The following THOC1 variants were observed in gnomAD, a reference collection of about 807,000 sequenced individuals.
THOC1 encodes the protein THO complex 1.
Under a neutral mutation model 97.3 loss-of-function variants are expected in THOC1, and 29 were observed. That is an observed-to-expected ratio of 0.30 (90% CI 0.22 to 0.41). The LOEUF (loss-of-function observed/expected upper bound fraction) is 0.41. THOC1 is among the 10% of genes least tolerant of loss of function. The pLI is 1.00. For missense variants in THOC1, 529 were observed against 761.9 expected, an observed-to-expected ratio of 0.69 and a Z score of 3.60; for synonymous variants, 255 against 257.0, an observed-to-expected ratio of 0.99 and a Z score of 0.07.
chr18:240,404 T>C (rs972906765), intron 11 of THOC1, among the ~76,000 whole-genome samples: 3 of 152,224 alleles, frequency 2.0e-5, no homozygotes, highest in African/African-American at 7.2e-5. Context: ...TGGCAGAGTA[T>C]GCTCTAAGTT....
chr18:252,451 C>T (rs1422968777), intron 9 of THOC1, 88 bp downstream of exon 9: 5 of 982,298 alleles, frequency 5.1e-6, no homozygotes, highest in Admixed American at 2.2e-5. Context: ...TTCTTTCCTC[C>T]TTGTCTATCT....
intron 1 of THOC1, 71 bp downstream of exon 1, chr18:267,895 G>A: frequency 6.8e-7 from 1 of 1,470,622 alleles, no homozygotes; most frequent in East Asian, 2.6e-5. Flanking sequence ...GGCAAAATTC[G>A]AGTAATTTCA....
intron 19 of THOC1, 57 bp downstream of exon 19, chr18:216,429 G>T: frequency 6.4e-7 from 1 of 1,561,008 alleles, no homozygotes; most frequent in Non-Finnish European, 8.7e-7. Flanking sequence ...CATAGTGACA[G>T]CAATTTTAAA....
chr18:252,047 T>C (rs902049760), intron 9 of THOC1, among the ~76,000 whole-genome samples: 3 of 152,198 alleles, frequency 2.0e-5, no homozygotes, highest in Admixed American at 1.3e-4. Context: ...TCATACATCA[T>C]TTCACTTAAT....
chr18:263,779 T>C (rs915707723), intron 4 of THOC1: 2 of 398,212 alleles, frequency 5.0e-6, no homozygotes, highest in Non-Finnish European at 9.2e-6. Flanking sequence ...AGATGCTCAA[T>C]GAAAATTTAC....
intron 11 of THOC1, among the ~76,000 whole-genome samples, chr18:231,829 C>G (rs1911495609): frequency 6.6e-6 from 1 of 152,218 alleles, no homozygotes; most frequent in South Asian, 2.1e-4. Context: ...TATGGATGTA[C>G]TTTGCACTGT....
chr18:256,188 G>A (rs565494418), intron 7 of THOC1, among the ~76,000 whole-genome samples: 1 of 94,208 alleles, frequency 1.1e-5, no homozygotes, highest in East Asian at 2.7e-4. Flanking sequence ...TACATTTCAT[G>A]AGGCTATAGC....
At chr18:243,511 C>T (rs966555446) in intron 11 of THOC1, among the ~76,000 whole-genome samples, 5 of 151,936 alleles carry the variant, frequency 3.3e-5, no homozygotes, top group Non-Finnish European at 4.4e-5. Context: ...GCACTCCAGC[C>T]TGGGCGACAG....
At chr18:234,876 C>G (rs1336890011) in intron 11 of THOC1, among the ~76,000 whole-genome samples, 3 of 151,966 alleles carry the variant, frequency 2.0e-5, no homozygotes. Flanking sequence ...CTTGTTCTGT[C>G]CTTATTGGGA....
intron 1 of THOC1, 55 bp downstream of exon 1, chr18:267,911 A>T (rs2143320447): frequency 6.5e-7 from 1 of 1,530,858 alleles, no homozygotes; most frequent in Admixed American, 1.9e-5. Flanking sequence ...TTTCAGGGAG[A>T]AGAGGACAAA....
At chr18:244,384 A>G (rs1025268668) in intron 11 of THOC1, 3 of 152,062 alleles carry the variant, frequency 2.0e-5, no homozygotes, top group Non-Finnish European at 4.4e-5. Flanking sequence ...TTTTTTCAAA[A>G]TGAGGGTCAC....
At chr18:260,815 T>C (rs1244841810) in intron 4 of THOC1, 4 of 152,162 alleles carry the variant, frequency 2.6e-5, no homozygotes, top group African/African-American at 9.7e-5. Flanking sequence ...ACGACTATAA[T>C]AACTTGGAAA....
intron 11 of THOC1, among the ~76,000 whole-genome samples, chr18:243,845 T>C (rs1911994448): frequency 6.6e-6 from 1 of 152,206 alleles, no homozygotes; most frequent in South Asian, 2.1e-4. Context: ...AATTAACAAA[T>C]ATAGCTGGAG....
intron 7 of THOC1, among the ~76,000 whole-genome samples, chr18:256,009 T>A (rs747219124): frequency 6.6e-6 from 1 of 152,184 alleles, no homozygotes; most frequent in Admixed American, 6.5e-5. Flanking sequence ...AAAAAAAGAT[T>A]TCCTTTCACA....
chr18:267,832 G>A, intron 1 of THOC1, 134 bp downstream of exon 1: 1 of 922,880 alleles, frequency 1.1e-6, no homozygotes, highest in Non-Finnish European at 1.6e-6. Flanking sequence ...AACCTCCGAC[G>A]GGGCCCGGAG....
Position 267,957 on chromosome 18 carries a change from A to G in THOC1, c.54+9T>C, listed in dbSNP as rs1912835302. 2 of 1,611,416 alleles carry G rather than the reference A, an allele frequency of 1.2e-6. No individual in the cohort carries two copies. The highest frequency in any genetic ancestry group is 1.7e-6 in the Non-Finnish European group (2 of 1,178,936). On this transcript the variant is annotated intron_variant, in intron 1 of 20. Transcript: ENST00000261600. Reference sequence around the variant, plus strand: ...GGGTCAGGCCTGCACCCTCCCCTCTACAGCTCACCGTAAACCGCGTCCGCG... The same window carrying G: ...GGGTCAGGCCTGCACCCTCCCCTCTGCAGCTCACCGTAAACCGCGTCCGCG...
chr18:219,932 C>A (rs968105707), intron 17 of THOC1, among the ~76,000 whole-genome samples: 1 of 152,104 alleles, frequency 6.6e-6, no homozygotes, highest in African/African-American at 2.4e-5. Context: ...TAAAATGCAT[C>A]TTTCTTGAAT....
At chr18:249,051 A>G (rs2143261347) in intron 9 of THOC1, among the ~76,000 whole-genome samples, 1 of 152,254 alleles carries the variant, frequency 6.6e-6, no homozygotes, top group African/African-American at 2.4e-5. Flanking sequence ...CACCCGGCCT[A>G]TTCTTTTAAT....
chr18:266,711 ATTT>A (rs1296237306), intron 1 of THOC1, among the ~76,000 whole-genome samples: 1 of 152,006 alleles, frequency 6.6e-6, no homozygotes, highest in African/African-American at 2.4e-5. Context: ...TAATTTTCGT[ATTT>A]TTAGTAGAGA....
Sources: allele counts gnomAD v4.1 joint callset (sites outside exome capture counted in the v4.1 genomes callset), GRCh38; gene constraint gnomAD v4.1.1; transcripts MANE v1.5; gene names NCBI Gene and HGNC (gene_info 2026-07-23, HGNC 2026-07-21).